Variants in ADAM8 observed in about 807,000 individuals in gnomAD.
The protein encoded by ADAM8 is disintegrin and metalloproteinase domain-containing protein 8.
A neutral mutation model predicts 102.4 loss-of-function variants in ADAM8; 104 were observed. The observed-to-expected ratio is 1.02, with a 90% CI of 0.87 to 1.20. The LOEUF (loss-of-function observed/expected upper bound fraction) is 1.20, where lower values mean the gene tolerates loss of function less well. ADAM8 is among the 50% of genes most tolerant of loss of function. ADAM8 has a pLI of 0.00. For synonymous variants in ADAM8, 517 were observed against 485.2 expected (o/e 1.07, Z -0.86); for missense variants, 1,132 against 1,159.0 (o/e 0.98, Z 0.34).
chr10:133,271,402 T>G, intron 12 of ADAM8, 113 bp from the exon 13 acceptor site: 1 of 1,480,152 alleles, frequency 6.8e-7, no homozygotes, highest in Non-Finnish European at 9.1e-7. Context: ...TCCCTCCCTG[T>G]GACCGCTCTG....
intron 18 of ADAM8, 112 bp from the exon 19 acceptor site, chr10:133,268,974 AC>A (rs1199784299): frequency 6.7e-7 from 1 of 1,500,106 alleles, no homozygotes; most frequent in Admixed American, 2.1e-5. Flanking sequence ...TGCCCTGTGG[AC>A]CCCTCAGGGA....
At chr10:133,270,238 C>A (rs139226456) in intron 16 of ADAM8, 122 bp downstream of exon 16, 3 of 1,317,586 alleles carry the variant, frequency 2.3e-6, no homozygotes, top group Non-Finnish European at 3.1e-6. Flanking sequence ...ACTAGAAGCG[C>A]GGAGAGAACT....
intron 6 of ADAM8, 40 bp from the exon 7 acceptor site, chr10:133,273,059 G>A (rs758182031): frequency 3.6e-5 from 58 of 1,611,506 alleles, no homozygotes; most frequent in South Asian, 9.9e-5. Context: ...CCTTCCCAGC[G>A]CCGGGGCCTG....
chr10:133,274,791 C>T (rs1303187461), intron 2 of ADAM8: 5 of 394,502 alleles, frequency 1.3e-5, no homozygotes, highest in Admixed American at 2.9e-5. Context: ...CAGCAGCTGC[C>T]GGACCTGGTG....
At position 133,276,855 on chromosome 10, in the gene ADAM8, G is replaced by C. The variant is rs1308753744; in HGVS notation, c.-38C>G. On this transcript the variant is annotated 5_prime_UTR_variant, in exon 1 of 23. Transcript: ENST00000445355. ...GAGCAGAGGCGGAGGTGACAGCCCC[G>C]CGGGACACGGTCTGGTTCCTGCGCT... 1.3e-6 allele frequency: 2 copies of C among 1,512,184 alleles called. No individual in the cohort carries two copies. The highest frequency in any genetic ancestry group is 8.8e-7 in the Non-Finnish European group (1 of 1,134,920). The allele number at this position is 1,512,184 out of a possible 1,614,324, so 93.7% of individuals were successfully genotyped here. A position where few individuals can be genotyped will look rare whatever the true frequency, so the allele number is the denominator to read the frequency against.
At position 133,274,209 on chromosome 10, in the gene ADAM8, G is replaced by A. The variant is rs536688198; in HGVS notation, c.177C>T (p.Tyr59=). Residue 59 remains tyrosine, a synonymous_variant, in exon 3 of 23, where the codon TAC becomes TAT. Transcript: ENST00000445355. ...AGTTGTGCCCTGTGGCCCCAAGGACGTAGCTCACCCTCTCTGGGTGCAGGC... is the reference window on the plus strand; with the variant it reads ...AGTTGTGCCCTGTGGCCCCAAGGACATAGCTCACCCTCTCTGGGTGCAGGC... The part of the protein sequence containing the change: ...HLGLHPERVS[Y]VLGATGHNFT... 32 of 1,582,650 alleles carry A rather than the reference G, an allele frequency of 2.0e-5. No individual in the cohort carries two copies. The highest frequency in any genetic ancestry group is 3.5e-5 in the South Asian group (3 of 86,900).
Position 133,263,735 on chromosome 10 carries a change from G to A in ADAM8, c.2350C>T (p.Pro784Ser), listed in dbSNP as rs750746913. 1 of 1,573,144 alleles carries A rather than the reference G, an allele frequency of 6.4e-7. No individual in the cohort carries two copies. Among genetic ancestry groups the A allele is most frequent in the Non-Finnish European group, 8.6e-7 (1 of 1,159,758 alleles). The change falls in exon 22 of 23, where the codon CCC becomes TCC. Residue 784 changes from proline (P) to serine (S), a missense_variant. By Grantham distance (74) the Pro-to-Ser change is moderately conservative. Transcript: ENST00000445355. ...VIKPTFAPPV[P>S]PVKPGAGAAN... is the part of the protein sequence containing the mutation. ...GCACCAGCCCCGGGTTTGACTGGGG[G>A]CACTGGGGGTGCGAACGTTGGCTTG...
In ADAM8 at chr10:133,262,880, C is replaced by T. The variant is rs935085348; in HGVS notation, c.*276G>A. On this transcript the variant is annotated 3_prime_UTR_variant, in exon 23 of 23. Coordinates refer to ENST00000445355, the MANE Select transcript of ADAM8 (RefSeq NM_001109.5). ...GGAGACCAGCGGCCACCTGGAGACA[C>T]GTACACACACACGCACCCGCAAGCA... 9 of 561,266 alleles carry T rather than the reference C, an allele frequency of 1.6e-5. No individual in the cohort carries two copies. In the East Asian group the frequency reaches 2.2e-4, roughly 14 times the overall value. The allele number at this position is 561,266 out of a possible 1,614,324, so 34.8% of individuals were successfully genotyped here. A position where few individuals can be genotyped will look rare whatever the true frequency, so the allele number is the denominator to read the frequency against.
In ADAM8 at chr10:133,273,216, G is replaced by A. The variant is rs368354262; in HGVS notation, c.573+38C>T. On this transcript the variant is annotated intron_variant, in intron 6 of 22. Coordinates refer to ENST00000445355, the MANE Select transcript of ADAM8 (RefSeq NM_001109.5). ...CTCACAGGCCAGGCAAGTGGACACC[G>A]GCAGGGCCAGCCAAACACAGGAGAC... The A allele has an allele frequency of 6.0e-5, 95 of 1,590,704 alleles. 2 individuals are homozygous for A. The Middle Eastern group carries it at 1.1e-3, about 19-fold the overall frequency.
At position 133,272,405 on chromosome 10, in the gene ADAM8, C is replaced by T. The variant is rs767452112; in HGVS notation, c.875+11G>A. On this transcript the variant is annotated intron_variant, in intron 9 of 22. Transcript: ENST00000445355. ...CCAGCCCTCCCCACCCTGCCCGCTC[C>T]GCCAGCTCACGTGATGAGCTGTACG... 2.0e-5 allele frequency: 31 copies of T among 1,572,702 alleles called. No individual in the cohort carries two copies. In the Admixed American group the frequency reaches 3.8e-4, roughly 19 times the overall value.
At chr10:133,269,018 T>C (rs2136079854) in intron 18 of ADAM8, 156 bp from the exon 19 acceptor site, 1 of 985,420 alleles carries the variant, frequency 1.0e-6, no homozygotes, top group South Asian at 4.7e-5. Flanking sequence ...ACTCCCAGCT[T>C]GCCAGTGACA....
chr10:133,263,433 C>A (rs1846223260), intron 22 of ADAM8, among the ~76,000 whole-genome samples, 200 bp from the exon 23 acceptor site: 1 of 152,206 alleles, frequency 6.6e-6, no homozygotes, highest in African/African-American at 2.4e-5. Context: ...ACTTTCTTCC[C>A]TGCAGTTGCT....
intron 15 of ADAM8, 56 bp downstream of exon 15, chr10:133,270,680 G>T: frequency 6.4e-7 from 1 of 1,570,490 alleles, no homozygotes. Context: ...CCCTTCTGGG[G>T]CTGACCCCGC....
intron 3 of ADAM8, 44 bp downstream of exon 3, chr10:133,274,115 T>G (rs1589812742): frequency 6.3e-7 from 1 of 1,585,712 alleles, no homozygotes; most frequent in African/African-American, 1.3e-5. Flanking sequence ...ACCAGTGTGC[T>G]GGAGCCAGGC....
At position 133,270,966 on chromosome 10, in the gene ADAM8, C is replaced by A. The variant is rs751452101; in HGVS notation, c.1479G>T (p.Glu493Asp). 2 of 1,612,886 alleles carry A rather than the reference C, an allele frequency of 1.2e-6. No individual in the cohort carries two copies. Among genetic ancestry groups the A allele is most frequent in the Non-Finnish European group, 1.7e-6 (2 of 1,179,968 alleles). Residue 493 changes from glutamate to aspartate, a missense_variant, in exon 14 of 23, where the codon GAG (glutamate) becomes GAT (aspartate). Glu to Asp is a conservative substitution (Grantham distance 45). Transcript: ENST00000445355. ...HPECPEDAFQ[E>D]NGTPCSGGYC... Reference sequence around the variant, plus strand: ...AGCCCCCGGAGCAGGGCGTGCCGTTCTCCTGGAAGGCGTCTTCCGGGCACT... The same window carrying A: ...AGCCCCCGGAGCAGGGCGTGCCGTTATCCTGGAAGGCGTCTTCCGGGCACT...
chr10:133,269,981 G>T lies in ADAM8; in HGVS notation c.1786-7C>A. The T allele has an allele frequency of 1.9e-6, 3 of 1,612,502 alleles. No individual in the cohort carries two copies. In the South Asian group the frequency reaches 3.3e-5, roughly 18 times the overall value. On this transcript the variant is annotated splice_region_variant and splice_polypyrimidine_tract_variant and intron_variant, in intron 16 of 22. Transcript: ENST00000445355. ...AACGTCCTTTCCAGCAAACCTGGGGGTAGGAGGCGTCTCTCAGGCAGCCGC... is the reference window on the plus strand; with the variant it reads ...AACGTCCTTTCCAGCAAACCTGGGGTTAGGAGGCGTCTCTCAGGCAGCCGC...
intron 2 of ADAM8, 135 bp from the exon 3 acceptor site, chr10:133,274,370 G>C: frequency 1.5e-6 from 1 of 685,966 alleles, no homozygotes; most frequent in Non-Finnish European, 2.3e-6. Flanking sequence ...CCATCCTGGA[G>C]GGTCCACAGC....
Position 133,272,772 on chromosome 10 carries a change from C to T in ADAM8, c.705+26G>A, listed in dbSNP as rs113896510. On this transcript the variant is annotated intron_variant, in intron 8 of 22. Coordinates refer to ENST00000445355, the MANE Select transcript of ADAM8 (RefSeq NM_001109.5). ...CCACCTCCCGCCAGGGGCTCTGGCACCTCTGCAGCCAGGACCGCTGCCCAC... is the reference window on the plus strand; with the variant it reads ...CCACCTCCCGCCAGGGGCTCTGGCATCTCTGCAGCCAGGACCGCTGCCCAC... 1,676 of 1,596,686 alleles carry T rather than the reference C, an allele frequency of 1.0e-3. 13 individuals are homozygous for T. The African/African-American group carries it at 0.019, about 18-fold the overall frequency.
chr10:133,271,112 G>A (rs1405402343), intron 13 of ADAM8, 42 bp from the exon 14 acceptor site: 5 of 1,595,594 alleles, frequency 3.1e-6, no homozygotes, highest in Admixed American at 3.4e-5. Flanking sequence ...ACAGGTCCAC[G>A]CAAGCTGCCT....
Sources: gnomAD v4.1 joint callset for allele counts (sites outside exome capture counted in the v4.1 genomes callset) on GRCh38, gnomAD v4.1.1 for gene constraint, MANE v1.5 for transcripts, NCBI Gene and HGNC (gene_info 2026-07-23, HGNC 2026-07-21) for gene names.